The following NOTCH3 variants were observed in gnomAD, a reference collection of about 807,000 sequenced individuals.
NOTCH3 encodes the protein notch receptor 3.
Under a neutral mutation model 213.3 loss-of-function variants are expected in NOTCH3, and 86 were observed. The observed-to-expected ratio is 0.40, with a 90% CI of 0.34 to 0.48. The LOEUF (loss-of-function observed/expected upper bound fraction) is 0.48. Ranked by LOEUF, NOTCH3 falls within the 20% of genes least tolerant of loss-of-function variation. The pLI, the probability that NOTCH3 is intolerant of heterozygous loss-of-function variation, is 0.57. For synonymous variants in NOTCH3, 1,354 were observed against 1,355.9 expected (o/e 1.00, Z 0.03); for missense variants, 2,783 against 3,272.6 (o/e 0.85, Z 3.65).
rs2145408753 is a variant in NOTCH3, at chr19:15,174,179, G to A, written c.4625C>T (p.Ser1542Leu). Residue 1542 changes from serine to leucine, a missense_variant, in exon 25 of 33, where the codon TCG (serine) becomes TTG (leucine). By Grantham distance (145) the Ser-to-Leu change is moderately radical. Around this residue, in one of 6 missense-constraint regions of NOTCH3, gnomAD observed 636 missense variants for 801.8 expected, o/e 0.79. Coordinates refer to ENST00000263388, the MANE Select transcript of NOTCH3 (RefSeq NM_000435.3). ...LQRLSAILRT[S>L]LRFRLDAHGQ... The stretch of plus-strand genomic sequence containing the variant: ...GTGCGCGTCCAGGCGGAAGCGCAGC[G>A]AGGTGCGCAGGATGGCGCTGAGCCG... 4 of 1,609,144 alleles carry A rather than the reference G, an allele frequency of 2.5e-6. No individual in the cohort carries two copies. Among genetic ancestry groups the A allele is most frequent in the Non-Finnish European group, 3.4e-6 (4 of 1,179,470 alleles).
chr19:15,178,792 T>C, intron 23 of NOTCH3, 31 bp downstream of exon 23: 2 of 1,499,688 alleles, frequency 1.3e-6, no homozygotes, highest in South Asian at 2.4e-5. Flanking sequence ...ACGCCCCTAC[T>C]CCTCCTCCAA....
At chr19:15,197,777 C>T (rs1703264020) in intron 1 of NOTCH3, among the ~76,000 whole-genome samples, 199 bp from the exon 2 acceptor site, 1 of 135,878 alleles carries the variant, frequency 7.4e-6, no homozygotes, top group Admixed American at 7.7e-5. Context: ...GAGGCTGCAG[C>T]TGTCCCTGCC....
At chr19:15,188,578 C>T (rs1435056290) in intron 8 of NOTCH3, among the ~76,000 whole-genome samples, 14 of 152,080 alleles carry the variant, frequency 9.2e-5, no homozygotes. Flanking sequence ...TGCCTTCAAA[C>T]CCCTCCTCCT....
rs1486544403 is a variant in NOTCH3, at chr19:15,178,858, C to T, written c.3802G>A (p.Gly1268Arg). The T allele has an allele frequency of 1.2e-6, 2 of 1,605,120 alleles. No individual in the cohort carries two copies. Among genetic ancestry groups the T allele is most frequent in the East Asian group, 2.2e-5 (1 of 44,572 alleles). ...TGACAGGTGAAGGTCAGCCCACCCC[C>T]AGGACCCGGGCTAGGACGGCACTGG... is the stretch of plus-strand genomic sequence containing the variant. The part of the protein sequence containing the change: ...GGQCRPSPGP[G>R]GGLTFTCHCA... The change falls in exon 23 of 33, where the codon GGG (glycine) becomes AGG (arginine). Residue 1268 changes from glycine (G) to arginine (R), a missense_variant. Physicochemically the swap from Gly to Arg is moderately radical, Grantham distance 125. Transcript: ENST00000263388.
chr19:15,163,160 C>T (rs1472019332), intron 31 of NOTCH3, among the ~76,000 whole-genome samples: 1 of 152,214 alleles, frequency 6.6e-6, no homozygotes, highest in Non-Finnish European at 1.5e-5. Context: ...CAGCCTTGGC[C>T]TCCCAAAGTG....
Position 15,189,283 on chromosome 19 carries a change from CTCGTCCACA to C in NOTCH3, c.1173_1181del (p.Asp391_Asp393del). The C allele has an allele frequency of 6.2e-7, 1 of 1,614,098 alleles. No homozygotes were observed. Among genetic ancestry groups the C allele is most frequent in the Non-Finnish European group, 8.5e-7 (1 of 1,180,034 alleles). On this transcript the variant is annotated inframe_deletion, in exon 7 of 33. Transcript: ENST00000263388. ...TGGAGCTCCCCTCACCGATAGAGCA[CTCGTCCACA>C]TCCTGGTCACATGCCCCACCCGTGA...
chr19:15,188,642 G>A (rs1199240880), intron 8 of NOTCH3, among the ~76,000 whole-genome samples: 2 of 151,830 alleles, frequency 1.3e-5, no homozygotes, highest in African/African-American at 2.4e-5. Flanking sequence ...CCAGCCCCAG[G>A]GCCCCCCATA....
chr19:15,186,889 G>T lies in NOTCH3; in HGVS notation c.1940C>A (p.Pro647His). 6.2e-7 allele frequency: 1 copy of T among 1,614,126 alleles called. No homozygotes were observed. The highest frequency in any genetic ancestry group is 8.5e-7 in the Non-Finnish European group (1 of 1,179,964). Reference sequence around the variant, plus strand: ...AGCCACTTGCCCACCTGTGAAGCCAGGTTGGCAGACACAGTCGTAGCGGTT... The same window carrying T: ...AGCCACTTGCCCACCTGTGAAGCCATGTTGGCAGACACAGTCGTAGCGGTT... ...GINRYDCVCQ[P>H]GFTGPLCNVE... Residue 647 changes from proline (P) to histidine (H), a missense_variant, in exon 12 of 33, where the codon CCT becomes CAT. Physicochemically the swap from Pro to His is moderately conservative, Grantham distance 77. Coordinates refer to ENST00000263388, the MANE Select transcript of NOTCH3 (RefSeq NM_000435.3).
chr19:15,162,536 C>T lies in NOTCH3; in HGVS notation c.5842G>A (p.Ala1948Thr), dbSNP rs1049857474. 6.2e-7 allele frequency: 1 copy of T among 1,613,970 alleles called. No homozygotes were observed. Among genetic ancestry groups the T allele is most frequent in the Non-Finnish European group, 8.5e-7 (1 of 1,179,970 alleles). ...LGKSALHWAAAVNNVEATLAL... is the reference protein window; with the variant it reads ...LGKSALHWAATVNNVEATLAL... ...AAAGTGGCTTCCACGTTGTTCACAG[C>T]CGCAGCCCAGTGTAAGGCTGATTTC... The change falls in exon 32 of 33, where the codon GCT (alanine) becomes ACT (threonine). Residue 1948 changes from alanine (A) to threonine (T), a missense_variant. Physicochemically the swap from Ala to Thr is moderately conservative, Grantham distance 58. Coordinates refer to ENST00000263388, the MANE Select transcript of NOTCH3 (RefSeq NM_000435.3).
Position 15,161,193 on chromosome 19 carries a change from C to A in NOTCH3, c.6435G>T (p.Arg2145=). 6.5e-7 allele frequency: 1 copy of A among 1,540,578 alleles called. No homozygotes were observed. Among genetic ancestry groups the A allele is most frequent in the Non-Finnish European group, 8.7e-7 (1 of 1,149,060 alleles). Residue 2145 remains arginine, a synonymous_variant, in exon 33 of 33, where the codon CGG becomes CGT. Transcript: ENST00000263388. ...CAGGGGGCTGGCGCCCTAGACCCGC[C>A]CGGCCTGGGCCACCAAGCTGTGCCA... ...VSLAQLGGPG[R]AGLGRQPPGG... is the part of the protein sequence containing the mutation.
rs2145415230 is a variant in NOTCH3 at position 15,177,883 on chromosome 19, A to G, written c.4045T>C (p.Ser1349Pro). Residue 1349 changes from serine to proline, a missense_variant, in exon 24 of 33, where the codon TCC becomes CCC. Physicochemically the swap from Ser to Pro is moderately conservative, Grantham distance 74. Transcript: ENST00000263388. ...GGCGCGAGCGGCGCGGGGCGGCAGG[A>G]GCCCCCGTGGAGACAGGGGGCGGCC... Reference protein sequence around the residue: ...CAAAPCLHGGSCRPAPLAPFF... With the variant: ...CAAAPCLHGGPCRPAPLAPFF... 8.1e-7 allele frequency: 1 copy of G among 1,237,834 alleles called. No homozygotes were observed. 76.7% of individuals were successfully genotyped at this position (1,237,834 alleles called of 1,614,324 possible).
Position 15,191,770 on chromosome 19 carries a change from G to A in NOTCH3, c.777C>T (p.Asn259=), listed in dbSNP as rs2145440605. 6.2e-7 allele frequency: 1 copy of A among 1,613,940 alleles called. No homozygotes were observed. The highest frequency in any genetic ancestry group is 2.2e-5 in the East Asian group (1 of 44,888). Residue 259 remains asparagine (N), a synonymous_variant, in exon 5 of 33, where the codon AAC becomes AAT. Coordinates refer to ENST00000263388, the MANE Select transcript of NOTCH3 (RefSeq NM_000435.3). ...CTGTCCACTCAGGAGGGCACTGGCA[G>A]TTATAGGTGTTGACGCCATCCACGC... ...GTCVDGVNTY[N]CQCPPEWTGQ... is the part of the protein sequence containing the mutation.
chr19:15,172,243 C>T (rs942539926), intron 25 of NOTCH3, among the ~76,000 whole-genome samples: 26 of 152,118 alleles, frequency 1.7e-4, no homozygotes, highest in African/African-American at 6.3e-4. Flanking sequence ...CTTAGGTCTC[C>T]GTGTCCCCAG....
chr19:15,188,922 CCATCCGCGGGCTTCT>C, intron 8 of NOTCH3, 52 bp downstream of exon 8: 1 of 1,502,676 alleles, frequency 6.7e-7, no homozygotes, highest in Non-Finnish European at 9.0e-7. Flanking sequence ...GCTCAGCTCC[CCATCCGCGGGCTTCT>C]CTGTCCCCGC....
rs371525707 is a variant in NOTCH3 at position 15,180,251 on chromosome 19, G to A, written c.3148C>T (p.Arg1050Trp). Residue 1050 changes from arginine to tryptophan, a missense_variant, in exon 20 of 33, where the codon CGG (arginine) becomes TGG (tryptophan). Physicochemically the swap from Arg to Trp is moderately radical, Grantham distance 101. Transcript: ENST00000263388. ...CREAAAQIGV[R>W]LEQLCQAGGQ... ...CCCGCCTGACACAGCTGCTCCAGCC[G>A]CACCCCTGCAAAGAGGAGAGTGGCA... is the stretch of plus-strand genomic sequence containing the variant. The A allele has an allele frequency of 8.1e-6, 13 of 1,613,570 alleles. No individual in the cohort carries two copies. The East Asian group carries it at 1.6e-4, about 19-fold the overall frequency.
rs189545202 is a variant in NOTCH3, at chr19:15,180,100, C to A, written c.3299G>T (p.Arg1100Leu). The A allele has an allele frequency of 2.5e-6, 4 of 1,611,812 alleles. No homozygotes were observed. The highest frequency in any genetic ancestry group is 3.4e-6 in the Non-Finnish European group (4 of 1,179,404). Reference sequence around the variant, plus strand: ...ACACATGTAGCCCCCCATATAGCCACGGCAGGTCCCCCCATGCTGGCAGGG... The same window carrying A: ...ACACATGTAGCCCCCCATATAGCCAAGGCAGGTCCCCCCATGCTGGCAGGG... ...AQPCQHGGTCRGYMGGYMCEC... is the reference protein window; with the variant it reads ...AQPCQHGGTCLGYMGGYMCEC... The change falls in exon 20 of 33, where the codon CGT becomes CTT. Residue 1100 changes from arginine (R) to leucine (L), a missense_variant. This residue lies in a region of NOTCH3 where 861 missense variants were observed against 909.1 expected (regional missense o/e 0.95). Transcript: ENST00000263388.
chr19:15,162,084 C>T (rs369649560), intron 32 of NOTCH3, among the ~76,000 whole-genome samples: 200 of 143,854 alleles, frequency 1.4e-3, no homozygotes, highest in African/African-American at 5.0e-3. Flanking sequence ...CGGGTTCAAG[C>T]GATTCTCCTG....
At chr19:15,192,340 C>T (rs2046936222) in intron 3 of NOTCH3, 37 bp downstream of exon 3, 1 of 1,612,708 alleles carries the variant, frequency 6.2e-7, no homozygotes, top group Non-Finnish European at 8.5e-7. Context: ...CTGACCACAC[C>T]CCCGACTACC....
In NOTCH3 at chr19:15,173,727, AAAAAAAAAAAAAAAG is replaced by A. The variant is rs1268799221; in HGVS notation, c.4736+326_4736+340del. 6.8e-3 allele frequency among the ~76,000 whole-genome samples: 42 copies of A among 6,210 alleles called. 1 individual carries two copies. The highest frequency in any genetic ancestry group is 0.071 in the Middle Eastern group (1 of 14). 4.1% of individuals were successfully genotyped at this position (6,210 alleles called of 152,430 possible). ...CTGGGCGACAGAGACTCCGTCTCAA[AAAAAAAAAAAAAAAG>A]AAAAGAAGAAGGAGAAGGAGAAGGA... is the stretch of plus-strand genomic sequence containing the variant. On this transcript the variant is annotated intron_variant, in intron 25 of 32. Coordinates refer to ENST00000263388, the MANE Select transcript of NOTCH3 (RefSeq NM_000435.3).
Sources: gnomAD v4.1 joint callset for allele counts (sites outside exome capture counted in the v4.1 genomes callset) on GRCh38, gnomAD v4.1.1 for gene constraint, gnomAD v4.1.1 regional missense constraint, MANE v1.5 for transcripts, NCBI Gene and HGNC (gene_info 2026-07-23, HGNC 2026-07-21) for gene names.